RREB1: variants seen among roughly 807,000 people sequenced by gnomAD.
RREB1 encodes the protein ras-responsive element-binding protein 1.
A neutral mutation model predicts 117.8 loss-of-function variants in RREB1; 27 were observed. The ratio of observed to expected loss-of-function variants is 0.23; its 90% CI spans 0.17 to 0.32. RREB1 has a LOEUF of 0.32. RREB1 is among the 10% of genes least tolerant of loss of function. The pLI is 1.00. For missense variants in RREB1, 2,577 were observed against 2,378.2 expected (o/e 1.08, Z -1.74); for synonymous variants, 1,298 against 1,026.7 (o/e 1.26, Z -5.05).
chr6:7,241,513 T>A (rs1426764867), intron 11 of RREB1, among the ~76,000 whole-genome samples: 2 of 152,140 alleles, frequency 1.3e-5, no homozygotes, highest in Admixed American at 6.5e-5. Context: ...CCCAGCTGTG[T>A]TTTTTTAGGG....
At chr6:7,203,402 C>T (rs747222901) in intron 6 of RREB1, among the ~76,000 whole-genome samples, 11 of 152,180 alleles carry the variant, frequency 7.2e-5, no homozygotes, top group Non-Finnish European at 1.5e-4. Flanking sequence ...AATTCTAGCT[C>T]AATGCATCAT....
chr6:7,174,087 C>A (rs1349203008), intron 1 of RREB1, among the ~76,000 whole-genome samples: 1 of 151,918 alleles, frequency 6.6e-6, no homozygotes, highest in Non-Finnish European at 1.5e-5. Flanking sequence ...CACCAACAAC[C>A]AGACCCAGGC....
rs199806838 is a variant in RREB1, at chr6:7,231,494, C to T, written c.3395C>T (p.Pro1132Leu). 1 of 1,611,292 alleles carries T rather than the reference C, an allele frequency of 6.2e-7. No individual in the cohort carries two copies. Among genetic ancestry groups the T allele is most frequent in the East Asian group, 2.2e-5 (1 of 44,738 alleles). ...AAAGAGTCTAGTGAGCCTCCCGCTC[C>T]AGCCAGCAGCCCAGAGGCTGCCTCT... is the stretch of plus-strand genomic sequence containing the variant. The part of the protein sequence containing the change: ...SPKESSEPPA[P>L]ASSPEAASPT... Residue 1132 changes from proline to leucine, a missense_variant, in exon 10 of 13, where the codon CCA (proline) becomes CTA (leucine). Coordinates refer to ENST00000379938, the MANE Select transcript of RREB1 (RefSeq NM_001003699.4).
At chr6:7,206,358 GATGTCCTGGAACCTGAGCGTGT>G (rs1561780375) in intron 6 of RREB1, among the ~76,000 whole-genome samples, 1 of 152,218 alleles carries the variant, frequency 6.6e-6, no homozygotes, top group African/African-American at 2.4e-5. Flanking sequence ...CAAGTTATAA[GATGTCCTGGAACCTGAGCGTGT>G]ATGTCATAGT....
chr6:7,218,144 G>C (rs1767018002), intron 8 of RREB1: 1 of 152,188 alleles, frequency 6.6e-6, no homozygotes, highest in Admixed American at 6.5e-5. Flanking sequence ...AAGGAAGTGA[G>C]TTTCCTGATG....
intron 1 of RREB1, among the ~76,000 whole-genome samples, chr6:7,134,485 A>G (rs981131336): frequency 6.6e-6 from 1 of 152,192 alleles, no homozygotes; most frequent in Non-Finnish European, 1.5e-5. Flanking sequence ...TAGAGCAATT[A>G]TTCCCCATCT....
At chr6:7,190,799 C>T (rs1234255049) in intron 6 of RREB1, among the ~76,000 whole-genome samples, 1 of 152,186 alleles carries the variant, frequency 6.6e-6, no homozygotes, top group African/African-American at 2.4e-5. Context: ...GTCCTTTGTC[C>T]TTTACATATT....
intron 1 of RREB1, among the ~76,000 whole-genome samples, chr6:7,150,790 C>T (rs1050765874): frequency 2.0e-5 from 3 of 152,334 alleles, no homozygotes; most frequent in African/African-American, 7.2e-5. Context: ...AAGAGCTTGT[C>T]TTCGGTGCCT....
intron 6 of RREB1, among the ~76,000 whole-genome samples, chr6:7,200,709 G>C (rs1464091746): frequency 6.6e-6 from 1 of 152,214 alleles, no homozygotes; most frequent in Admixed American, 6.5e-5. Flanking sequence ...AACTGTCCAA[G>C]TGGACACTGT....
intron 3 of RREB1, 57 bp from the exon 4 acceptor site, chr6:7,181,813 G>T: frequency 1.6e-6 from 2 of 1,254,840 alleles, no homozygotes; most frequent in South Asian, 2.4e-5. Context: ...AGCGCCCCCT[G>T]GCAATGACAG....
chr6:7,246,389 C>T, intron 11 of RREB1, 35 bp from the exon 12 acceptor site: 4 of 1,433,804 alleles, frequency 2.8e-6, no homozygotes, highest in South Asian at 1.5e-5. Flanking sequence ...CTGGTGGTGC[C>T]CCTCTGAGCC....
chr6:7,225,203 C>T (rs1045049446), intron 8 of RREB1, among the ~76,000 whole-genome samples: 1 of 152,154 alleles, frequency 6.6e-6, no homozygotes, highest in African/African-American at 2.4e-5. Flanking sequence ...AAAGGAGCTA[C>T]CTTAGCGGTG....
chr6:7,142,088 G>T (rs557296386), intron 1 of RREB1, among the ~76,000 whole-genome samples: 35 of 152,284 alleles, frequency 2.3e-4, no homozygotes, highest in African/African-American at 8.2e-4. Flanking sequence ...GGTGGCGTGC[G>T]CCTGTGATCC....
intron 1 of RREB1, among the ~76,000 whole-genome samples, chr6:7,149,941 G>A (rs1224420968): frequency 6.6e-6 from 1 of 151,692 alleles, no homozygotes; most frequent in South Asian, 2.1e-4. Context: ...CACACACCTC[G>A]GCCTCCCAAA....
In RREB1 at chr6:7,229,797, G is replaced by C. The variant is rs745552921; in HGVS notation, c.1698G>C (p.Lys566Asn). Residue 566 changes from lysine to asparagine, a missense_variant, in exon 10 of 13, where the codon AAG becomes AAC. Transcript: ENST00000379938. The surrounding 1 kb of genome is among the most constrained non-coding windows in gnomAD (Gnocchi z 4.5). ...AASNAHLLQS[K>N]SGTQPHAATR... ...CCAACGCCCACCTGCTGCAGTCCAA[G>C]TCCGGGACCCAGCCCCACGCGGCCA... 1 of 1,610,530 alleles carries C rather than the reference G, an allele frequency of 6.2e-7. No homozygotes were observed. The highest frequency in any genetic ancestry group is 1.3e-5 in the African/African-American group (1 of 74,876).
chr6:7,234,856 G>A (rs1768224745), intron 10 of RREB1, among the ~76,000 whole-genome samples: 1 of 152,210 alleles, frequency 6.6e-6, no homozygotes, highest in Non-Finnish European at 1.5e-5. Flanking sequence ...GTCCGGTTCT[G>A]TGCAACTGCC....
Position 7,247,000 on chromosome 6 carries a change from C to G in RREB1, c.4550C>G (p.Ala1517Gly), listed in dbSNP as rs753633059. The change falls in exon 12 of 13, where the codon GCC becomes GGC. Residue 1517 changes from alanine to glycine, a missense_variant. Transcript: ENST00000379938. ...VVESAPGAGE[A>G]PAEKLAEETE... The stretch of plus-strand genomic sequence containing the variant: ...GAGTCGGCCCCGGGTGCCGGGGAGG[C>G]CCCGGCGGAAAAGCTCGCGGAGGAG... 1.2e-6 allele frequency: 2 copies of G among 1,601,378 alleles called. No individual in the cohort carries two copies. The highest frequency in any genetic ancestry group is 2.2e-5 in the South Asian group (2 of 89,676).
chr6:7,167,017 G>C (rs1424243080), intron 1 of RREB1, among the ~76,000 whole-genome samples: 1 of 152,206 alleles, frequency 6.6e-6, no homozygotes, highest in African/African-American at 2.4e-5. Context: ...ATGTGTCCCA[G>C]AACACTCCCA....
intron 6 of RREB1, among the ~76,000 whole-genome samples, chr6:7,209,879 G>A: frequency 6.6e-6 from 1 of 152,222 alleles, no homozygotes; most frequent in East Asian, 1.9e-4. Flanking sequence ...AAAAGCTGTG[G>A]CTATGGTCCT....
Sources: gnomAD v4.1 joint callset for allele counts (sites outside exome capture counted in the v4.1 genomes callset) on GRCh38, gnomAD v4.1.1 for gene constraint, Gnocchi (gnomAD v3.1) non-coding constraint, MANE v1.5 for transcripts, NCBI Gene and HGNC (gene_info 2026-07-23, HGNC 2026-07-21) for gene names.